Variants in PRR16 observed in about 807,000 individuals in gnomAD.
PRR16 encodes the protein proline rich 16, also known as protein Largen.
In PRR16, 6 loss-of-function variants were observed where a neutral mutation model predicts 18.2. The ratio of observed to expected loss-of-function variants is 0.33; its 90% CI spans 0.18 to 0.65. The LOEUF (loss-of-function observed/expected upper bound fraction) is 0.65. Ranked by LOEUF, PRR16 falls within the 30% of genes least tolerant of loss-of-function variation. The pLI, the probability that PRR16 is intolerant of heterozygous loss-of-function variation, is 0.74. For synonymous variants in PRR16, 151 were observed against 147.8 expected, an observed-to-expected ratio of 1.02 and a Z score of -0.16; for missense variants, 412 against 376.6, an observed-to-expected ratio of 1.09 and a Z score of -0.78.
At chr5:120,626,406 T>C (rs987195136) in intron 1 of PRR16, among the ~76,000 whole-genome samples, 1 of 151,974 alleles carries the variant, frequency 6.6e-6, no homozygotes, top group Non-Finnish European at 1.5e-5. Flanking sequence ...AAAAGGCAAA[T>C]CTATGGAATC....
rs368525584 is a variant in PRR16 at position 120,686,422 on chromosome 5, A to C, written c.628A>C (p.Lys210Gln). The change falls in exon 2 of 2, where the codon AAA becomes CAA. Residue 210 changes from lysine (K) to glutamine (Q), a missense_variant. Physicochemically the swap from Lys to Gln is moderately conservative, Grantham distance 53 (BLOSUM62 1). Transcript: ENST00000407149. ...TCGAGAACGAGTTCGGTTTAATGAA[A>C]AAGTACAGTACCATGGCTATTGTCC... Reference protein sequence around the residue: ...GPRERVRFNEKVQYHGYCPDC... With the variant: ...GPRERVRFNEQVQYHGYCPDC... 2.2e-5 allele frequency: 35 copies of C among 1,614,046 alleles called. 1 individual carries two copies. The highest frequency in any genetic ancestry group is 3.3e-5 in the Admixed American group (2 of 59,996).
chr5:120,744,992 A>G, the PRR16 span, among the ~76,000 whole-genome samples: 3 of 152,212 alleles, frequency 2.0e-5, no homozygotes, highest in Non-Finnish European at 2.9e-5. Context: ...AGGAACACCT[A>G]TGAATTTGGT....
At chr5:120,655,970 T>C (rs1051765244) in intron 1 of PRR16, among the ~76,000 whole-genome samples, 1 of 151,954 alleles carries the variant, frequency 6.6e-6, no homozygotes. Flanking sequence ...AGCCAGTTAC[T>C]GAACCGAGCC....
intron 1 of PRR16, among the ~76,000 whole-genome samples, chr5:120,556,757 T>C (rs1157481263): frequency 6.6e-6 from 1 of 152,054 alleles, no homozygotes; most frequent in East Asian, 1.9e-4. Flanking sequence ...TCTTGGAAAC[T>C]GGAGAACTGG....
At chr5:120,519,838 C>G (rs1751115061) in intron 1 of PRR16, among the ~76,000 whole-genome samples, 1 of 151,988 alleles carries the variant, frequency 6.6e-6, no homozygotes. Flanking sequence ...CCCTAGCTTC[C>G]TAGAGCTGAA....
the PRR16 span, among the ~76,000 whole-genome samples, chr5:120,703,805 T>G: frequency 6.6e-6 from 1 of 152,232 alleles, no homozygotes; most frequent in South Asian, 2.1e-4. Context: ...TAAAGGTTAG[T>G]CCTCATAGAT....
intron 1 of PRR16, among the ~76,000 whole-genome samples, chr5:120,559,079 C>A (rs933694707): frequency 2.6e-5 from 4 of 151,828 alleles, no homozygotes; most frequent in Admixed American, 6.6e-5. Context: ...ATATTTTCTC[C>A]CCTTCTATGT....
intron 1 of PRR16, among the ~76,000 whole-genome samples, chr5:120,497,545 A>G (rs1376980803): frequency 1.3e-5 from 2 of 151,468 alleles, no homozygotes. Flanking sequence ...GCACACCACC[A>G]CACCCAGCTA....
At chr5:120,783,247 T>G in the PRR16 span, among the ~76,000 whole-genome samples, 1 of 152,248 alleles carries the variant, frequency 6.6e-6, no homozygotes, top group Non-Finnish European at 1.5e-5. Flanking sequence ...GTATTCATAG[T>G]TTGCGAAGCA....
intron 1 of PRR16, among the ~76,000 whole-genome samples, chr5:120,636,459 C>T (rs540880991): frequency 6.6e-6 from 1 of 152,012 alleles, no homozygotes; most frequent in African/African-American, 2.4e-5. Flanking sequence ...ATAGAGAACC[C>T]AGAAATAAAG....
At chr5:120,666,034 T>A (rs1756363533) in intron 1 of PRR16, among the ~76,000 whole-genome samples, 1 of 152,142 alleles carries the variant, frequency 6.6e-6, no homozygotes, top group Admixed American at 6.5e-5. Context: ...ATTGAATCTA[T>A]AAATTACCTT....
At chr5:120,653,204 T>C (rs1755850406) in intron 1 of PRR16, among the ~76,000 whole-genome samples, 1 of 151,948 alleles carries the variant, frequency 6.6e-6, no homozygotes, top group Admixed American at 6.6e-5. Flanking sequence ...ATTCTTGGTC[T>C]CTATGTTGGT....
At chr5:120,597,210 G>T (rs763215872) in intron 1 of PRR16, among the ~76,000 whole-genome samples, 3 of 151,306 alleles carry the variant, frequency 2.0e-5, no homozygotes, top group Non-Finnish European at 3.0e-5. Flanking sequence ...ACTTTATAAG[G>T]TGTATGCTTT....
the PRR16 span, among the ~76,000 whole-genome samples, chr5:120,706,613 G>C: frequency 6.6e-6 from 1 of 152,148 alleles, no homozygotes; most frequent in African/African-American, 2.4e-5. Flanking sequence ...AGAGGGGTCT[G>C]AGAAAAAGTA....
At chr5:120,518,876 T>G (rs746186639) in intron 1 of PRR16, among the ~76,000 whole-genome samples, 27 of 152,174 alleles carry the variant, frequency 1.8e-4, no homozygotes, top group Non-Finnish European at 4.0e-4. Context: ...AGAGGAGTCA[T>G]CTTGAACTGT....
chr5:120,579,687 T>C (rs1474712687), intron 1 of PRR16, among the ~76,000 whole-genome samples: 1 of 152,234 alleles, frequency 6.6e-6, no homozygotes, highest in Non-Finnish European at 1.5e-5. Flanking sequence ...CCTCCAGCTC[T>C]GTTATTTTTG....
At chr5:120,741,475 C>A in the PRR16 span, among the ~76,000 whole-genome samples, 1 of 152,116 alleles carries the variant, frequency 6.6e-6, no homozygotes, top group African/African-American at 2.4e-5. Context: ...TCAGTTATTA[C>A]AAAGTTTTGG....
At chr5:120,732,430 G>T in the PRR16 span, among the ~76,000 whole-genome samples, 2 of 152,066 alleles carry the variant, frequency 1.3e-5, no homozygotes, top group Non-Finnish European at 2.9e-5. Flanking sequence ...CTGATATATT[G>T]ATTATACTAT....
At chr5:120,704,982 A>T in the PRR16 span, among the ~76,000 whole-genome samples, 1 of 152,050 alleles carries the variant, frequency 6.6e-6, no homozygotes. Flanking sequence ...TGAGCTAGAG[A>T]TCCATTTAAG....
Sources: allele counts gnomAD v4.1 joint callset (sites outside exome capture counted in the v4.1 genomes callset), GRCh38; gene constraint gnomAD v4.1.1; transcripts MANE v1.5; gene names NCBI Gene and HGNC (gene_info 2026-07-23, HGNC 2026-07-21).